KANSL3: variants seen among roughly 807,000 people sequenced by gnomAD.
The protein encoded by KANSL3 is NSL complex protein NSL3.
Under a neutral mutation model 89.2 loss-of-function variants are expected in KANSL3, and 16 were observed. The ratio of observed to expected loss-of-function variants is 0.18; its 90% CI spans 0.12 to 0.27. The LOEUF (loss-of-function observed/expected upper bound fraction) is 0.27, where lower values mean the gene tolerates loss of function less well. Ranked by LOEUF, KANSL3 falls within the 10% of genes least tolerant of loss-of-function variation. The pLI is 1.00. For synonymous variants in KANSL3, 385 were observed against 419.7 expected, an observed-to-expected ratio of 0.92 and a Z score of 1.01; for missense variants, 879 against 1,110.6, an observed-to-expected ratio of 0.79 and a Z score of 2.96.
chr2:96,609,196 A>C, intron 12 of KANSL3, 132 bp from the exon 13 acceptor site: 1 of 860,742 alleles, frequency 1.2e-6, no homozygotes, highest in Non-Finnish European at 1.8e-6. Flanking sequence ...TCCCCACTCA[A>C]ACAAGGTCTG....
chr2:96,585,986 G>T, the KANSL3 span, among the ~76,000 whole-genome samples: 1 of 152,150 alleles, frequency 6.6e-6, no homozygotes, highest in Non-Finnish European at 1.5e-5. Flanking sequence ...CAGGACTTTG[G>T]GAGGCTGAGG....
intron 3 of KANSL3, 92 bp from the exon 4 acceptor site, chr2:96,619,854 T>C (rs1199744650): frequency 9.7e-7 from 1 of 1,030,162 alleles, no homozygotes; most frequent in Non-Finnish European, 1.4e-6. Flanking sequence ...CATAGTTTTA[T>C]GTCTCTGCTA....
At chr2:96,627,949 C>A (rs2072683592) in intron 3 of KANSL3, 1 of 1,289,860 alleles carries the variant, frequency 7.8e-7, no homozygotes, top group Non-Finnish European at 1.0e-6. Context: ...AAGCCTGCTG[C>A]CAATGAGAGA....
At chr2:96,612,980 C>T in intron 6 of KANSL3, 46 bp from the exon 7 acceptor site, 1 of 1,306,016 alleles carries the variant, frequency 7.7e-7, no homozygotes, top group Non-Finnish European at 1.1e-6. Flanking sequence ...TGAGAAGTGT[C>T]CTTTCATGAA....
At chr2:96,598,433 A>T (rs1481250128) in intron 20 of KANSL3, among the ~76,000 whole-genome samples, 1 of 152,200 alleles carries the variant, frequency 6.6e-6, no homozygotes, top group Non-Finnish European at 1.5e-5. Context: ...AATAGAATAG[A>T]CATGCTTTTC....
chr2:96,600,794 G>A lies in KANSL3; in HGVS notation c.2616+849C>T, dbSNP rs1053298777. The A allele has an allele frequency of 1.9e-5, 19 of 985,390 alleles. 2 individuals are homozygous for A. In the Admixed American group the frequency reaches 3.1e-4, roughly 16 times the overall value. 61.0% of individuals were successfully genotyped at this position (985,390 alleles called of 1,614,324 possible). The stretch of plus-strand genomic sequence containing the variant: ...TAAGAGAAACTAATCATGACTTCCT[G>A]GGTGAGACCTATAAAAACCTAGCTG... On this transcript the variant is annotated intron_variant, in intron 20 of 20. Coordinates refer to ENST00000431828, the MANE Select transcript of KANSL3 (RefSeq NM_001115016.3).
chr2:96,621,224 C>A (rs764491990), intron 3 of KANSL3, among the ~76,000 whole-genome samples: 1 of 151,948 alleles, frequency 6.6e-6, no homozygotes, highest in Non-Finnish European at 1.5e-5. Context: ...AGAAATGTAA[C>A]TACATAAAAA....
At chr2:96,619,327 T>C (rs2070811268) in intron 5 of KANSL3, 32 bp downstream of exon 5, 1 of 1,583,468 alleles carries the variant, frequency 6.3e-7, no homozygotes, top group Non-Finnish European at 8.6e-7. Context: ...TGGCTATCCC[T>C]AGGACAGGGC....
Position 96,610,790 on chromosome 2 carries a change from A to G in KANSL3, c.1255T>C (p.Phe419Leu), listed in dbSNP as rs756042686. 8.7e-6 allele frequency: 14 copies of G among 1,614,048 alleles called. No individual in the cohort carries two copies. The African/African-American group carries it at 1.9e-4, about 22-fold the overall frequency. ...TTCTCAGCTCGAATCTTCTCCCGGA[A>G]GTCCTCCATGGCTTCAGGGTGACAT... is the stretch of plus-strand genomic sequence containing the variant. Reference protein sequence around the residue: ...LQCHPEAMEDFREKIRAENSL... With the variant: ...LQCHPEAMEDLREKIRAENSL... Residue 419 changes from phenylalanine to leucine, a missense_variant, in exon 11 of 21, where the codon TTC becomes CTC. Physicochemically the swap from Phe to Leu is conservative, Grantham distance 22. Coordinates refer to ENST00000431828, the MANE Select transcript of KANSL3 (RefSeq NM_001115016.3).
chr2:96,631,359 A>C lies in KANSL3; in HGVS notation c.339T>G (p.Asp113Glu), dbSNP rs1397289612. The change falls in exon 3 of 21, where the codon GAT (aspartate) becomes GAG (glutamate). Residue 113 changes from aspartate to glutamate, a missense_variant. Around this residue, in one of 6 missense-constraint regions of KANSL3, gnomAD observed 210 missense variants for 311.9 expected, o/e 0.67. Coordinates refer to ENST00000431828, the MANE Select transcript of KANSL3 (RefSeq NM_001115016.3). The part of the protein sequence containing the change: ...CERHVIFART[D>E]ADAPPPPEDW... ...CCTCTGGTGGAGGAGGGGCATCTGC[A>C]TCAGTCCTGGCAAAGATGACATGCC... The C allele has an allele frequency of 6.2e-7, 1 of 1,613,244 alleles. No individual in the cohort carries two copies. Among genetic ancestry groups the C allele is most frequent in the East Asian group, 2.2e-5 (1 of 44,872 alleles).
chr2:96,633,614 C>T (rs569604317), intron 2 of KANSL3, among the ~76,000 whole-genome samples: 24 of 150,998 alleles, frequency 1.6e-4, no homozygotes, highest in African/African-American at 5.6e-4. Context: ...GCCGGTAATC[C>T]CAGCACTCTG....
At chr2:96,625,918 CAAATAGCT>C (rs1475750004) in intron 3 of KANSL3, among the ~76,000 whole-genome samples, 3 of 152,170 alleles carry the variant, frequency 2.0e-5, no homozygotes, top group Admixed American at 2.0e-4. Flanking sequence ...CCTAAACAGT[CAAATAGCT>C]GATGGGAACT....
the KANSL3 span, among the ~76,000 whole-genome samples, chr2:96,587,042 T>A: frequency 1.3e-5 from 2 of 152,238 alleles, no homozygotes; most frequent in Non-Finnish European, 2.9e-5. Flanking sequence ...TCTCTTCCAA[T>A]AATTCTGCTT....
At position 96,636,972 on chromosome 2, in the gene KANSL3, C is replaced by A. The variant is rs759529862; in HGVS notation, c.164G>T (p.Arg55Leu). The A allele has an allele frequency of 6.5e-7, 1 of 1,550,012 alleles. No individual in the cohort carries two copies. Among genetic ancestry groups the A allele is most frequent in the East Asian group, 2.4e-5 (1 of 40,878 alleles). The change falls in exon 2 of 21, where the codon CGC becomes CTC. Residue 55 changes from arginine (R) to leucine (L), a missense_variant. Coordinates refer to ENST00000431828, the MANE Select transcript of KANSL3 (RefSeq NM_001115016.3). ...WSAHPDASSA[R>L]PTRMLFVTPR... ...AGTGACAAAGAGCATGCGGGTGGGG[C>A]GGGCACTACTGGCATCTGGGTGGGC...
chr2:96,597,606 T>G (rs754043699), intron 20 of KANSL3, among the ~76,000 whole-genome samples: 8 of 152,096 alleles, frequency 5.3e-5, no homozygotes, highest in Non-Finnish European at 1.0e-4. Context: ...TTTTATTTAT[T>G]TATTTTATTT....
intron 16 of KANSL3, 62 bp downstream of exon 16, chr2:96,604,717 T>C (rs1281456799): frequency 2.1e-5 from 30 of 1,422,098 alleles, no homozygotes; most frequent in Non-Finnish European, 2.6e-5. Flanking sequence ...AAGCACTAAA[T>C]AAACCAGAAA....
chr2:96,607,092 A>G (rs1306869759), intron 14 of KANSL3: 6 of 1,165,450 alleles, frequency 5.1e-6, no homozygotes, highest in Non-Finnish European at 6.8e-6. Context: ...CCAGCCAGAG[A>G]AGGGAGAAAA....
intron 20 of KANSL3, 129 bp downstream of exon 20, chr2:96,601,514 T>G: frequency 7.0e-7 from 1 of 1,420,670 alleles, no homozygotes; most frequent in Non-Finnish European, 9.2e-7. Flanking sequence ...AACTCCAGAA[T>G]ACAGATTTGA....
chr2:96,613,527 G>A lies in KANSL3; in HGVS notation c.756C>T (p.Pro252=). 1 of 1,613,582 alleles carries A rather than the reference G, an allele frequency of 6.2e-7. No individual in the cohort carries two copies. The highest frequency in any genetic ancestry group is 8.5e-7 in the Non-Finnish European group (1 of 1,179,734). The change falls in exon 6 of 21, where the codon CCC becomes CCT. Residue 252 remains proline, a synonymous_variant. Transcript: ENST00000431828. ...AEALSLLLKR[P]WDPAVGVLSH... is the part of the protein sequence containing the mutation. ...AAAGCACACCCACAGCAGGGTCCCA[G>A]GGCCTCTTCAGTAGGAGAGACAAGG...
Sources: allele counts gnomAD v4.1 joint callset (sites outside exome capture counted in the v4.1 genomes callset), GRCh38; gene constraint gnomAD v4.1.1; regional missense constraint gnomAD v4.1.1; transcripts MANE v1.5; gene names NCBI Gene and HGNC (gene_info 2026-07-23, HGNC 2026-07-21).